BACH2: variants seen among roughly 807,000 people sequenced by gnomAD.
The protein encoded by BACH2 is transcription regulator protein BACH2.
A neutral mutation model predicts 61.8 loss-of-function variants in BACH2; 5 were observed. The ratio of observed to expected loss-of-function variants is 0.08; its 90% CI spans 0.04 to 0.17. The LOEUF (loss-of-function observed/expected upper bound fraction) is 0.17, where lower values mean the gene tolerates loss of function less well. Ranked by LOEUF, BACH2 falls within the 10% of genes least tolerant of loss-of-function variation. The pLI is 1.00. For synonymous variants in BACH2, 446 were observed against 440.1 expected (o/e 1.01, Z -0.17); for missense variants, 824 against 1,091.1 (o/e 0.76, Z 3.45).
intron 4 of BACH2, among the ~76,000 whole-genome samples, chr6:90,165,894 T>A (rs1051602924): frequency 6.6e-6 from 1 of 152,160 alleles, no homozygotes; most frequent in African/African-American, 2.4e-5. Flanking sequence ...TTACACCTTA[T>A]ACAAAAATTA....
chr6:90,278,743 G>A (rs184272856), intron 1 of BACH2, among the ~76,000 whole-genome samples: 3 of 152,122 alleles, frequency 2.0e-5, no homozygotes, highest in Admixed American at 2.0e-4. Flanking sequence ...GGATTCTGTC[G>A]GTGGCACCTC....
intron 3 of BACH2, among the ~76,000 whole-genome samples, chr6:90,238,859 G>A (rs544173365): frequency 3.9e-5 from 6 of 152,148 alleles, no homozygotes; most frequent in Non-Finnish European, 5.9e-5. Flanking sequence ...ATACTGCCTT[G>A]TGTGGAGCTC....
At chr6:90,247,341 T>G (rs1446989249) in intron 3 of BACH2, among the ~76,000 whole-genome samples, 1 of 151,680 alleles carries the variant, frequency 6.6e-6, no homozygotes, top group East Asian at 1.9e-4. Context: ...GCTCAAGTGA[T>G]CCTCCTGTTT....
intron 6 of BACH2, among the ~76,000 whole-genome samples, chr6:89,968,907 G>GA (rs1775197995): frequency 6.6e-6 from 1 of 151,972 alleles, no homozygotes; most frequent in Admixed American, 6.5e-5. Context: ...GCTACTTGGG[G>GA]GGCTGAGGCA....
At chr6:90,184,796 T>G (rs561690457) in intron 4 of BACH2, among the ~76,000 whole-genome samples, 34 of 152,266 alleles carry the variant, frequency 2.2e-4, no homozygotes, top group African/African-American at 7.9e-4. Flanking sequence ...GAGGACAAAC[T>G]CAAGCAGTTG....
At chr6:89,975,641 A>G (rs1775611357) in intron 6 of BACH2, among the ~76,000 whole-genome samples, 1 of 152,202 alleles carries the variant, frequency 6.6e-6, no homozygotes, top group Non-Finnish European at 1.5e-5. Flanking sequence ...CTACTTGTTA[A>G]ATAATTGGCT....
At chr6:90,041,434 T>C (rs934026795) in intron 5 of BACH2, among the ~76,000 whole-genome samples, 3 of 152,020 alleles carry the variant, frequency 2.0e-5, no homozygotes, top group Non-Finnish European at 4.4e-5. Context: ...TAAGTGTTCC[T>C]TAAAGATCTA....
intron 5 of BACH2, among the ~76,000 whole-genome samples, chr6:90,019,084 C>T (rs1778239380): frequency 6.6e-6 from 1 of 152,138 alleles, no homozygotes; most frequent in South Asian, 2.1e-4. Flanking sequence ...CACACTGAGT[C>T]TCCTCAATTA....
At position 90,229,368 on chromosome 6, in the gene BACH2, G is replaced by C. The variant is rs1018465229; in HGVS notation, c.-274-22687C>G. Among the ~76,000 whole-genome samples the C allele has an allele frequency of 3.3e-5, 5 of 152,074 alleles. No individual in the cohort carries two copies. The East Asian group carries it at 9.6e-4, about 29-fold the overall frequency. ...CCAGCTACTCTGGAGGCTGAGGCCA[G>C]AGAATTGCTTGAACTTGGGAGGCGG... On this transcript the variant is annotated intron_variant, in intron 3 of 8. Coordinates refer to ENST00000257749, the MANE Select transcript of BACH2 (RefSeq NM_021813.4).
chr6:90,007,685 G>A (rs1394977666), intron 6 of BACH2, among the ~76,000 whole-genome samples: 1 of 152,186 alleles, frequency 6.6e-6, no homozygotes, highest in East Asian at 1.9e-4. Flanking sequence ...ACTGTGAAGA[G>A]CTGCTTAGTC....
chr6:90,220,124 A>G (rs1211335605), intron 3 of BACH2, among the ~76,000 whole-genome samples: 1 of 152,224 alleles, frequency 6.6e-6, no homozygotes, highest in African/African-American at 2.4e-5. Context: ...ACCTACTATC[A>G]GAATTTATAG....
chr6:90,266,082 T>G (rs1771319418), intron 2 of BACH2, among the ~76,000 whole-genome samples: 2 of 152,120 alleles, frequency 1.3e-5, no homozygotes, highest in African/African-American at 2.4e-5. Flanking sequence ...GATCACCACA[T>G]TCTACAAGCT....
chr6:90,197,787 G>T (rs1033983330), intron 4 of BACH2, among the ~76,000 whole-genome samples: 1 of 152,172 alleles, frequency 6.6e-6, no homozygotes, highest in Non-Finnish European at 1.5e-5. Flanking sequence ...TTGGTTTGGG[G>T]CAGGGGACGC....
At chr6:89,994,456 G>A (rs1472184358) in intron 6 of BACH2, among the ~76,000 whole-genome samples, 2 of 152,194 alleles carry the variant, frequency 1.3e-5, no homozygotes, top group Non-Finnish European at 2.9e-5. Context: ...GAAGGAAATG[G>A]AAGAAATCTA....
At chr6:90,060,546 A>T (rs1311205938) in intron 5 of BACH2, among the ~76,000 whole-genome samples, 17 of 152,052 alleles carry the variant, frequency 1.1e-4, no homozygotes, top group Admixed American at 1.1e-3. Flanking sequence ...TTTGTAGTCT[A>T]TATTTAAGTT....
At chr6:90,120,125 T>TATCACAC (rs1783562553) in intron 4 of BACH2, among the ~76,000 whole-genome samples, 1 of 149,932 alleles carries the variant, frequency 6.7e-6, no homozygotes, top group Admixed American at 6.6e-5. Context: ...AAGACAGACA[T>TATCACAC]ATCACATATC....
intron 5 of BACH2, among the ~76,000 whole-genome samples, chr6:90,016,819 T>TC (rs777201605): frequency 4.6e-5 from 7 of 152,092 alleles, no homozygotes; most frequent in Non-Finnish European, 7.3e-5. Flanking sequence ...TTTTTTTTTT[T>TC]CTTTTCAGTA....
Position 90,039,466 on chromosome 6 carries a change from T to A in BACH2, c.-12-30610A>T, listed in dbSNP as rs1562391532. On this transcript the variant is annotated intron_variant, in intron 5 of 8. Transcript: ENST00000257749. ...GAGGCGCGATCTTGGCTCAGTGCAA[T>A]GTCCGCGTCCCAGGTTCAAGCGATT... is the stretch of plus-strand genomic sequence containing the variant. 5.3e-5 allele frequency among the ~76,000 whole-genome samples: 8 copies of A among 152,174 alleles called. 1 individual carries two copies. In the South Asian group the frequency reaches 6.2e-4, roughly 12 times the overall value.
intron 4 of BACH2, among the ~76,000 whole-genome samples, chr6:90,152,647 G>A (rs755882790): frequency 2.0e-5 from 3 of 152,134 alleles, no homozygotes; most frequent in Non-Finnish European, 4.4e-5. Flanking sequence ...CAAAGTAGGT[G>A]CCTAATAAAT....
Sources: gnomAD v4.1 joint callset for allele counts (sites outside exome capture counted in the v4.1 genomes callset) on GRCh38, gnomAD v4.1.1 for gene constraint, MANE v1.5 for transcripts, NCBI Gene and HGNC (gene_info 2026-07-23, HGNC 2026-07-21) for gene names.